Variants in UBAP2 observed in about 807,000 individuals in gnomAD.
UBAP2 encodes the protein ubiquitin associated protein 2.
In UBAP2, 75 loss-of-function variants were observed where a neutral mutation model predicts 139.6. The observed-to-expected ratio is 0.54, with a 90% confidence interval of 0.45 to 0.65. UBAP2 has a LOEUF of 0.65. Ranked by LOEUF, UBAP2 falls within the 30% of genes least tolerant of loss-of-function variation. UBAP2 has a pLI of 0.00. For synonymous variants in UBAP2, 526 were observed against 526.2 expected (o/e 1.00, Z 0.01); for missense variants, 1,368 against 1,369.6 (o/e 1.00, Z 0.02).
At chr9:33,965,395 C>T (rs976085705) in intron 8 of UBAP2, among the ~76,000 whole-genome samples, 3 of 152,088 alleles carry the variant, frequency 2.0e-5, no homozygotes, top group Non-Finnish European at 4.4e-5. Flanking sequence ...TCCAAGACTA[C>T]GTCTCATTCT....
chr9:33,944,701 A>C, intron 13 of UBAP2, 62 bp from the exon 14 acceptor site: 2 of 1,557,086 alleles, frequency 1.3e-6, no homozygotes, highest in Non-Finnish European at 1.7e-6. Context: ...TCAATAGAAC[A>C]TGAAGTGTTC....
At chr9:33,966,086 C>A (rs1827429986) in intron 8 of UBAP2, among the ~76,000 whole-genome samples, 1 of 151,584 alleles carries the variant, frequency 6.6e-6, no homozygotes, top group South Asian at 2.1e-4. Context: ...GGTCTTAGAA[C>A]TTTTTTTTCC....
At chr9:33,931,160 C>A (rs1412816845) in intron 19 of UBAP2, among the ~76,000 whole-genome samples, 1 of 152,146 alleles carries the variant, frequency 6.6e-6, no homozygotes, top group Non-Finnish European at 1.5e-5. Context: ...ACCCAATGCA[C>A]GCATACATAA....
intron 2 of UBAP2, among the ~76,000 whole-genome samples, chr9:33,999,854 G>A (rs547073171): frequency 1.3e-4 from 3 of 22,970 alleles, no homozygotes; most frequent in East Asian, 2.8e-3. Flanking sequence ...GGATTACTAC[G>A]TATGTATGTA....
intron 8 of UBAP2, among the ~76,000 whole-genome samples, chr9:33,966,736 ATTC>A (rs1564034430): frequency 1.3e-5 from 2 of 152,150 alleles, no homozygotes; most frequent in South Asian, 4.2e-4. Flanking sequence ...TGTTTTTCTT[ATTC>A]TTTGTTTGCA....
rs1325434798 is a variant in UBAP2, at chr9:34,035,524, T to TATATATAC, written c.-42+13300_-42+13301insGTATATAT. Among the ~76,000 whole-genome samples the TATATATAC allele has an allele frequency of 1.9e-3, 130 of 67,198 alleles. 15 individuals carry two copies. The Middle Eastern group carries it at 0.033, about 17-fold the overall frequency. 44.1% of individuals were successfully genotyped at this position (67,198 alleles called of 152,430 possible). A position where few individuals can be genotyped will look rare whatever the true frequency, so the allele number is the denominator to read the frequency against. On this transcript the variant is annotated intron_variant, in intron 1 of 28. Coordinates refer to ENST00000379238, the MANE Select transcript of UBAP2 (RefSeq NM_001370062.2). ...CTAAAAAAAAAAAAAAATATATATA[T>TATATATAC]ATAAAGATTAGCCAGGTTTGTGGTG...
chr9:34,026,630 G>A (rs1188250067), intron 1 of UBAP2, among the ~76,000 whole-genome samples: 1 of 152,122 alleles, frequency 6.6e-6, no homozygotes, highest in Non-Finnish European at 1.5e-5. Context: ...AATACTAGCA[G>A]AAAGCACATA....
At chr9:33,933,682 T>G in intron 17 of UBAP2, 54 bp from the exon 18 acceptor site, 1 of 1,594,206 alleles carries the variant, frequency 6.3e-7, no homozygotes, top group Non-Finnish European at 8.6e-7. Context: ...CTAAAACCAA[T>G]CCTAAGTGCC....
chr9:34,038,090 G>A (rs1025640720), intron 1 of UBAP2, among the ~76,000 whole-genome samples: 5 of 149,120 alleles, frequency 3.4e-5, no homozygotes, highest in South Asian at 2.1e-4. Flanking sequence ...ATCTGAGCAC[G>A]GGGAGTTCAA....
rs201538101 is a variant in UBAP2, at chr9:33,927,856, C to T, written c.2312G>A (p.Gly771Asp). Reference protein sequence around the residue: ...SMNTANSLCLGGTPASASSSS... With the variant: ...SMNTANSLCLDGTPASASSSS... ...GCTGGATGCACTCGCGGGGGTCCCA[C>T]CCAGACAGAGGCTGTTCGCGGTGTT... The change falls in exon 20 of 29, where the codon GGT (glycine) becomes GAT (aspartate). Residue 771 changes from glycine (G) to aspartate (D), a missense_variant. Physicochemically the swap from Gly to Asp is moderately conservative, Grantham distance 94 (BLOSUM62 -1). Coordinates refer to ENST00000379238, the MANE Select transcript of UBAP2 (RefSeq NM_001370062.2). 1 of 1,614,180 alleles carries T rather than the reference C, an allele frequency of 6.2e-7. No individual in the cohort carries two copies. Among genetic ancestry groups the T allele is most frequent in the East Asian group, 2.2e-5 (1 of 44,878 alleles).
chr9:33,974,404 G>A (rs2131066762), intron 6 of UBAP2, among the ~76,000 whole-genome samples: 1 of 152,206 alleles, frequency 6.6e-6, no homozygotes, highest in Admixed American at 6.5e-5. Context: ...CTACTCGGAA[G>A]GCTGAAGTCG....
chr9:34,032,224 G>A (rs940997863), intron 1 of UBAP2, among the ~76,000 whole-genome samples: 3 of 152,062 alleles, frequency 2.0e-5, no homozygotes, highest in African/African-American at 7.2e-5. Flanking sequence ...CGGCTCTCTC[G>A]CCAACCATGT....
At chr9:33,987,825 CAAAA>C (rs1408258035) in intron 5 of UBAP2, among the ~76,000 whole-genome samples, 3 of 152,182 alleles carry the variant, frequency 2.0e-5, no homozygotes, top group Non-Finnish European at 4.4e-5. Context: ...CACAGAATAG[CAAAA>C]TAGCAATACC....
intron 6 of UBAP2, among the ~76,000 whole-genome samples, chr9:33,985,929 G>T (rs1365614524): frequency 6.6e-6 from 1 of 152,106 alleles, no homozygotes; most frequent in African/African-American, 2.4e-5. Context: ...GGGTAAGTAG[G>T]AGGATTGTTT....
chr9:33,939,867 AGGAGGAGGG>A (rs1825003537), intron 16 of UBAP2, among the ~76,000 whole-genome samples: 1 of 330 alleles, frequency 3.0e-3, no homozygotes, highest in Non-Finnish European at 6.9e-3. Flanking sequence ...GGGGAGGAGG[AGGAGGAGGG>A]GAGGAGGAGG....
At position 33,927,843 on chromosome 9, in the gene UBAP2, C is replaced by T. The variant is rs776742746; in HGVS notation, c.2325G>A (p.Ala775=). Residue 775 remains alanine, a synonymous_variant, in exon 20 of 29, where the codon GCG becomes GCA. Transcript: ENST00000379238. ...CCCTGCTACTGCTGCTGGATGCACT[C>T]GCGGGGGTCCCACCCAGACAGAGGC... ...ANSLCLGGTP[A]SASSSSSRAA... is the part of the protein sequence containing the mutation. The T allele has an allele frequency of 1.1e-5, 18 of 1,614,080 alleles. No homozygotes were observed. The highest frequency in any genetic ancestry group is 6.6e-5 in the South Asian group (6 of 91,070).
chr9:33,924,550 G>A (rs1823253289), intron 22 of UBAP2, among the ~76,000 whole-genome samples: 1 of 152,230 alleles, frequency 6.6e-6, no homozygotes, highest in South Asian at 2.1e-4. Context: ...ACATCCATTT[G>A]ACACCACAGG....
At chr9:33,977,694 G>C (rs1163020745) in intron 6 of UBAP2, among the ~76,000 whole-genome samples, 1 of 150,500 alleles carries the variant, frequency 6.6e-6, no homozygotes, top group East Asian at 2.0e-4. Flanking sequence ...ACAGAGTTTT[G>C]CTCTGTCACC....
In UBAP2 at chr9:33,941,716, G is replaced by A. The variant is rs1423975540; in HGVS notation, c.1862C>T (p.Ser621Phe). 6.8e-6 allele frequency: 11 copies of A among 1,614,136 alleles called. No homozygotes were observed. Among genetic ancestry groups the A allele is most frequent in the Non-Finnish European group, 8.5e-6 (10 of 1,180,034 alleles). Residue 621 changes from serine (S) to phenylalanine (F), a missense_variant, in exon 16 of 29, where the codon TCT (serine) becomes TTT (phenylalanine). Physicochemically the swap from Ser to Phe is radical, Grantham distance 155. Coordinates refer to ENST00000379238, the MANE Select transcript of UBAP2 (RefSeq NM_001370062.2). The part of the protein sequence containing the change: ...VAMSSSYDQS[S>F]VHNRIPYQSP... ...TTGGTATGGGATCCTGTTATGCACA[G>A]AACTCTGGTCATAAGAGGAAGACAT...
Sources: gnomAD v4.1 joint callset for allele counts (sites outside exome capture counted in the v4.1 genomes callset) on GRCh38, gnomAD v4.1.1 for gene constraint, MANE v1.5 for transcripts, NCBI Gene and HGNC (gene_info 2026-07-23, HGNC 2026-07-21) for gene names.